Variants in FAM171A1 observed in about 807,000 individuals in gnomAD.
The protein encoded by FAM171A1 is protein FAM171A1.
In FAM171A1, 23 loss-of-function variants were observed where a neutral mutation model predicts 74.9. That is an observed-to-expected ratio of 0.31 (90% CI 0.22 to 0.44). FAM171A1 has a LOEUF of 0.44. Ranked by LOEUF, FAM171A1 falls within the 20% of genes least tolerant of loss-of-function variation. The pLI, the probability that FAM171A1 is intolerant of heterozygous loss-of-function variation, is 1.00. For missense variants in FAM171A1, 1,162 were observed against 1,159.2 expected (o/e 1.00, Z -0.03); for synonymous variants, 527 against 505.7 (o/e 1.04, Z -0.57).
chr10:15,352,957 A>C (rs1835895908), intron 1 of FAM171A1, among the ~76,000 whole-genome samples: 1 of 152,246 alleles, frequency 6.6e-6, no homozygotes, highest in African/African-American at 2.4e-5. Context: ...TTTTGCTACC[A>C]GCAACATTTG....
At chr10:15,327,679 T>C (rs1835572780) in intron 1 of FAM171A1, among the ~76,000 whole-genome samples, 1 of 151,938 alleles carries the variant, frequency 6.6e-6, no homozygotes, top group Admixed American at 6.6e-5. Context: ...AGGAATATGA[T>C]AAATGCCACA....
At chr10:15,218,796 G>A (rs1044865583) in intron 6 of FAM171A1, among the ~76,000 whole-genome samples, 3 of 151,994 alleles carry the variant, frequency 2.0e-5, no homozygotes, top group African/African-American at 7.3e-5. Flanking sequence ...GGGTCTTGCT[G>A]TGTTGCCCAG....
chr10:15,315,643 A>AT (rs1241104853), intron 1 of FAM171A1, among the ~76,000 whole-genome samples: 8 of 152,154 alleles, frequency 5.3e-5, no homozygotes, highest in Admixed American at 4.6e-4. Flanking sequence ...AACCCAAAGA[A>AT]TTTACTCTAT....
At chr10:15,284,159 G>C in intron 1 of FAM171A1, 54 bp from the exon 2 acceptor site, 5 of 1,497,172 alleles carry the variant, frequency 3.3e-6, no homozygotes, top group Non-Finnish European at 4.6e-6. Flanking sequence ...AACATTCATA[G>C]CAACTCTGGT....
intron 1 of FAM171A1, among the ~76,000 whole-genome samples, chr10:15,312,673 G>GGTTTTTTTT (rs1835374892): frequency 2.7e-5 from 1 of 36,382 alleles, no homozygotes; most frequent in South Asian, 1.6e-3. Context: ...AGCACTGTGT[G>GGTTTTTTTT]TTTTTTTTTT....
chr10:15,329,903 C>T (rs1359129730), intron 1 of FAM171A1, among the ~76,000 whole-genome samples: 1 of 152,176 alleles, frequency 6.6e-6, no homozygotes, highest in Non-Finnish European at 1.5e-5. Flanking sequence ...AAGCAATGCT[C>T]CCTTTACTGT....
intron 5 of FAM171A1, among the ~76,000 whole-genome samples, chr10:15,248,005 G>C (rs760754481): frequency 1.6e-4 from 24 of 152,164 alleles, no homozygotes; most frequent in Non-Finnish European, 3.4e-4. Flanking sequence ...CGCCTTGTAA[G>C]AGACTCTGAG....
At chr10:15,249,199 C>T (rs953957495) in intron 4 of FAM171A1, among the ~76,000 whole-genome samples, 4 of 150,530 alleles carry the variant, frequency 2.7e-5, no homozygotes, top group Non-Finnish European at 4.4e-5. Context: ...TGGGTTCAAG[C>T]GATCCTCCTG....
intron 1 of FAM171A1, among the ~76,000 whole-genome samples, chr10:15,359,590 C>A (rs79472359): frequency 0.011 from 1,665 of 152,264 alleles, 39 homozygotes; most frequent in East Asian, 0.05. Context: ...AGCCCTCATC[C>A]CCGGAACCTG....
chr10:15,351,614 T>C (rs1273857396), intron 1 of FAM171A1, among the ~76,000 whole-genome samples: 1 of 150,892 alleles, frequency 6.6e-6, no homozygotes, highest in Admixed American at 6.6e-5. Context: ...GATGGATGCA[T>C]GGATGGATGC....
At chr10:15,338,497 GATAA>G (rs1211166520) in intron 1 of FAM171A1, among the ~76,000 whole-genome samples, 1 of 152,102 alleles carries the variant, frequency 6.6e-6, no homozygotes, top group Non-Finnish European at 1.5e-5. Context: ...ACTTAATGCT[GATAA>G]ATAAATTCAT....
At chr10:15,319,655 A>G (rs1835463645) in intron 1 of FAM171A1, among the ~76,000 whole-genome samples, 1 of 152,116 alleles carries the variant, frequency 6.6e-6, no homozygotes, top group Middle Eastern at 3.4e-3. Context: ...CTGGTCTCGA[A>G]CTCCTGACCT....
chr10:15,355,560 A>G (rs1835922855), intron 1 of FAM171A1, among the ~76,000 whole-genome samples: 1 of 152,062 alleles, frequency 6.6e-6, no homozygotes. Flanking sequence ...TCTACTAAAA[A>G]TACAAAAATT....
At chr10:15,270,569 G>A (rs544713094) in intron 3 of FAM171A1, among the ~76,000 whole-genome samples, 1 of 152,312 alleles carries the variant, frequency 6.6e-6, no homozygotes, top group Admixed American at 6.5e-5. Flanking sequence ...AGAACGGACA[G>A]ACTGCCCTCT....
rs771122378 is a variant in FAM171A1 at position 15,213,255 on chromosome 10, C to T, written c.2333G>A (p.Arg778Gln). 18 of 1,613,896 alleles carry T rather than the reference C, an allele frequency of 1.1e-5. No homozygotes were observed. The Admixed American group carries it at 2.3e-4, about 21-fold the overall frequency. The change falls in exon 8 of 8, where the codon CGA (arginine) becomes CAA (glutamine). Residue 778 changes from arginine to glutamine, a missense_variant. Arg to Gln is a conservative substitution (Grantham distance 43, BLOSUM62 1). Transcript: ENST00000378116. This position sits in a 1 kb window ranked among gnomAD's most constrained non-coding sequence, Gnocchi z 6.8. ...CGTGTAGGCCGTGCTGTCTGGGGCT[C>T]GAGGCTCTTTCTGCTGGTGCTCTTG... is the stretch of plus-strand genomic sequence containing the variant. ...PVQEHQQKEP[R>Q]APDSTAYTQL...
intron 5 of FAM171A1, among the ~76,000 whole-genome samples, chr10:15,221,478 C>T (rs1834039104): frequency 6.6e-6 from 1 of 152,182 alleles, no homozygotes; most frequent in African/African-American, 2.4e-5. Flanking sequence ...TCCAGAGCTG[C>T]AGACTGGCTA....
chr10:15,282,903 G>C (rs546505071), intron 2 of FAM171A1, among the ~76,000 whole-genome samples: 1 of 152,250 alleles, frequency 6.6e-6, no homozygotes, highest in Non-Finnish European at 1.5e-5. Context: ...CTCTGCTGGA[G>C]ATAATAGTTA....
intron 5 of FAM171A1, among the ~76,000 whole-genome samples, chr10:15,245,146 A>G (rs2131752483): frequency 6.6e-6 from 1 of 152,014 alleles, no homozygotes; most frequent in South Asian, 2.1e-4. Context: ...GCCCACCTCA[A>G]CCTCCACATC....
intron 3 of FAM171A1, among the ~76,000 whole-genome samples, chr10:15,271,955 T>C (rs533655334): frequency 2.0e-5 from 3 of 152,252 alleles, no homozygotes; most frequent in South Asian, 2.1e-4. Context: ...AGACCACTGA[T>C]GCTAGGAAGA....
Sources: gnomAD v4.1 joint callset for allele counts (sites outside exome capture counted in the v4.1 genomes callset) on GRCh38, gnomAD v4.1.1 for gene constraint, Gnocchi (gnomAD v3.1) non-coding constraint, MANE v1.5 for transcripts, NCBI Gene and HGNC (gene_info 2026-07-23, HGNC 2026-07-21) for gene names.